The following ARHGEF11 variants were observed in gnomAD, a reference collection of about 807,000 sequenced individuals.
The protein encoded by ARHGEF11 is Rho guanine exchange factor (GEF) 11.
Under a neutral mutation model 193.7 loss-of-function variants are expected in ARHGEF11, and 55 were observed. The ratio of observed to expected loss-of-function variants is 0.28; its 90% CI spans 0.23 to 0.36. The LOEUF (loss-of-function observed/expected upper bound fraction) is 0.36. Among genes scored for constraint, ARHGEF11 ranks in the 10% least tolerant of loss-of-function variants. The pLI is 1.00. For missense variants in ARHGEF11, 1,723 were observed against 2,005.6 expected (o/e 0.86, Z 2.69); for synonymous variants, 693 against 768.0 (o/e 0.90, Z 1.62).
chr1:157,002,094 C>A (rs1385042762), intron 1 of ARHGEF11, among the ~76,000 whole-genome samples: 1 of 152,146 alleles, frequency 6.6e-6, no homozygotes, highest in Non-Finnish European at 1.5e-5. Flanking sequence ...GATGAATGAA[C>A]CATGTGGTCC....
chr1:156,956,533 T>G lies in ARHGEF11; in HGVS notation c.1558A>C (p.Met520Leu). 2 of 1,614,030 alleles carry G rather than the reference T, an allele frequency of 1.2e-6. No homozygotes were observed. The highest frequency in any genetic ancestry group is 1.7e-6 in the Non-Finnish European group (2 of 1,179,968). The change falls in exon 19 of 41, where the codon ATG (methionine) becomes CTG (leucine). Residue 520 changes from methionine to leucine, a missense_variant. Met to Leu is a conservative substitution (Grantham distance 15). This residue lies in a region of ARHGEF11 where 646 missense variants were observed against 710.7 expected (regional missense o/e 0.91). Transcript: ENST00000368194. ...APMDFALNTY[M>L]SHAGIRLREA... The stretch of plus-strand genomic sequence containing the variant: ...CGAAGACGGATCCCAGCATGGCTCA[T>G]GTAGGTATTGAGGGCGAAGTCCATG...
chr1:156,970,993 T>C (rs1662409781), intron 8 of ARHGEF11, among the ~76,000 whole-genome samples: 1 of 152,230 alleles, frequency 6.6e-6, no homozygotes, highest in Non-Finnish European at 1.5e-5. Context: ...TTTTTTGATC[T>C]GGATATCCTA....
rs552498636 is a variant in ARHGEF11, at chr1:157,014,091, G to A, written c.33-27918C>T. 7.9e-5 allele frequency among the ~76,000 whole-genome samples: 12 copies of A among 152,178 alleles called. No individual in the cohort carries two copies. The South Asian group carries it at 1.9e-3, about 24-fold the overall frequency. On this transcript the variant is annotated intron_variant, in intron 1 of 40. Coordinates refer to ENST00000368194, the MANE Select transcript of ARHGEF11 (RefSeq NM_198236.3). The stretch of plus-strand genomic sequence containing the variant: ...TGAGGCCTTTGGTGCCTCCAATCAC[G>A]GTTTTATTAGTGTTTCCATGACCTT...
chr1:156,966,965 T>C (rs1295616487), intron 11 of ARHGEF11, among the ~76,000 whole-genome samples: 1 of 152,218 alleles, frequency 6.6e-6, no homozygotes, highest in African/African-American at 2.4e-5. Flanking sequence ...AGCCAACTAA[T>C]TCCCCTCATC....
chr1:157,033,375 C>G (rs1044608880), intron 1 of ARHGEF11, among the ~76,000 whole-genome samples: 1 of 152,108 alleles, frequency 6.6e-6, no homozygotes, highest in African/African-American at 2.4e-5. Flanking sequence ...AACCTCTGAT[C>G]TCTCATTTTT....
chr1:157,015,697 C>A (rs1669128798), intron 1 of ARHGEF11, among the ~76,000 whole-genome samples: 1 of 152,220 alleles, frequency 6.6e-6, no homozygotes, highest in Admixed American at 6.5e-5. Context: ...AAGGGCCTTA[C>A]TGCATGCAGC....
chr1:156,940,200 C>T lies in ARHGEF11; in HGVS notation c.3733+7G>A. The T allele has an allele frequency of 6.4e-7, 1 of 1,568,768 alleles. No individual in the cohort carries two copies. The highest frequency in any genetic ancestry group is 8.7e-7 in the Non-Finnish European group (1 of 1,154,106). ...AGGGGCTGACGGCAGGGCCTTGAAG[C>T]ACTCACCATCTTCCAGAGCGGAGTC... On this transcript the variant is annotated splice_region_variant and intron_variant, in intron 36 of 40. Transcript: ENST00000368194.
rs776141723 is a variant in ARHGEF11 at position 156,955,679 on chromosome 1, GGCTGTT to G, written c.1768+18_1768+23del. On this transcript the variant is annotated intron_variant, in intron 20 of 40. Transcript: ENST00000368194. ...AGGTCCCTGCCCAAGGAATGCCCAA[GGCTGTT>G]GCTCCCCAAATACTCACTGCTTTGA... is the stretch of plus-strand genomic sequence containing the variant. 67 of 1,580,702 alleles carry G rather than the reference GGCTGTT, an allele frequency of 4.2e-5. No homozygotes were observed. The highest frequency in any genetic ancestry group is 5.8e-5 in the Non-Finnish European group (67 of 1,149,584).
intron 12 of ARHGEF11, 81 bp downstream of exon 12, chr1:156,963,438 AT>A: frequency 6.6e-7 from 1 of 1,526,482 alleles, no homozygotes; most frequent in Non-Finnish European, 9.1e-7. Flanking sequence ...TTCACAGCTG[AT>A]GCTAGTCAAA....
rs137983356 is a variant in ARHGEF11 at position 156,951,611 on chromosome 1, C to T, written c.1887G>A (p.Ser629=). The T allele has an allele frequency of 1.4e-4, 224 of 1,614,164 alleles. 1 individual carries two copies. In the African/African-American group the frequency reaches 2.2e-3, roughly 16 times the overall value. ...GCAGGTCCTCAGGAAAGCTTCCGGT[C>T]GAGAGTCGTTGTGTCCCAGGTTCTG... is the stretch of plus-strand genomic sequence containing the variant. The part of the protein sequence containing the change: ...DAPEPGTQRL[S]TGSFPEDLLE... Residue 629 remains serine, a synonymous_variant, in exon 22 of 41, where the codon TCG becomes TCA. Transcript: ENST00000368194.
intron 3 of ARHGEF11, among the ~76,000 whole-genome samples, chr1:156,981,618 A>G (rs1401900031): frequency 6.6e-6 from 1 of 152,144 alleles, no homozygotes. Context: ...CTGGGACTAC[A>G]GGCATGTGCC....
chr1:156,945,837 C>T (rs1452636038), intron 29 of ARHGEF11: 2 of 505,028 alleles, frequency 4.0e-6, no homozygotes, highest in South Asian at 2.6e-5. Flanking sequence ...TCGATGGTGG[C>T]CCCTACTCCT....
intron 13 of ARHGEF11, among the ~76,000 whole-genome samples, 175 bp downstream of exon 13, chr1:156,963,028 G>C (rs1453877401): frequency 3.3e-5 from 5 of 151,918 alleles, no homozygotes; most frequent in Non-Finnish European, 7.4e-5. Flanking sequence ...GTGTCATACA[G>C]TGAAAAATCC....
chr1:156,971,568 T>G, intron 8 of ARHGEF11, 129 bp downstream of exon 8: 1 of 1,248,034 alleles, frequency 8.0e-7, no homozygotes, highest in Non-Finnish European at 1.1e-6. Context: ...TGTAAAATAC[T>G]AAACACTTAC....
chr1:157,020,019 C>T (rs4661013), intron 1 of ARHGEF11, among the ~76,000 whole-genome samples: 13,483 of 151,298 alleles, frequency 0.089, 643 homozygotes, highest in South Asian at 0.13. Context: ...CCCAGCTACT[C>T]GGGAGGCTGA....
At chr1:157,013,488 T>TCTC (rs1275846793) in intron 1 of ARHGEF11, among the ~76,000 whole-genome samples, 22 of 152,036 alleles carry the variant, frequency 1.4e-4, no homozygotes, top group Admixed American at 3.9e-4. Context: ...TTTCCCTACC[T>TCTC]CTCCCCCAGC....
Position 156,936,952 on chromosome 1 carries a change from A to T in ARHGEF11, c.4494T>A (p.Ser1498=). The change falls in exon 40 of 41, where the codon TCT becomes TCA. Residue 1498 remains serine, a synonymous_variant. Coordinates refer to ENST00000368194, the MANE Select transcript of ARHGEF11 (RefSeq NM_198236.3). The part of the protein sequence containing the change: ...ELLKSLGGES[S]GGTTPVGSFH... Reference sequence around the variant, plus strand: ...AACTGCCCACAGGCGTGGTGCCACCAGATGACTCTCCCCCAAGGGACTTGA... The same window carrying T: ...AACTGCCCACAGGCGTGGTGCCACCTGATGACTCTCCCCCAAGGGACTTGA... 6.2e-7 allele frequency: 1 copy of T among 1,614,078 alleles called. No homozygotes were observed. Among genetic ancestry groups the T allele is most frequent in the Non-Finnish European group, 8.5e-7 (1 of 1,180,000 alleles).
rs893392133 is a variant in ARHGEF11 at position 156,957,704 on chromosome 1, C to T, written c.1526+88G>A. 7 of 1,411,496 alleles carry T rather than the reference C, an allele frequency of 5.0e-6. No individual in the cohort carries two copies. In the Admixed American group the frequency reaches 5.0e-5, roughly 10 times the overall value. 87.4% of individuals were successfully genotyped at this position (1,411,496 alleles called of 1,614,324 possible). A position where few individuals can be genotyped will look rare whatever the true frequency, so the allele number is the denominator to read the frequency against. On this transcript the variant is annotated intron_variant, in intron 18 of 40. Transcript: ENST00000368194. Reference sequence around the variant, plus strand: ...TGGTTGTACAACATGAGGGACTCCCCTGTGATTGTCAGAAATGGAAAGCAT... The same window carrying T: ...TGGTTGTACAACATGAGGGACTCCCTTGTGATTGTCAGAAATGGAAAGCAT...
In ARHGEF11 at chr1:156,935,701, A is replaced by C; in HGVS notation, c.*299T>G. 1 of 393,446 alleles carries C rather than the reference A, an allele frequency of 2.5e-6. No homozygotes were observed. Among genetic ancestry groups the C allele is most frequent in the Non-Finnish European group, 4.6e-6 (1 of 218,194 alleles). 24.4% of individuals were successfully genotyped at this position (393,446 alleles called of 1,614,324 possible). A position where few individuals can be genotyped will look rare whatever the true frequency, so the allele number is the denominator to read the frequency against. ...CATACAGGCGTGCGCGTGTACACACATATGTGGGGTGAGGGCAGACCATGG... is the reference window on the plus strand; with the variant it reads ...CATACAGGCGTGCGCGTGTACACACCTATGTGGGGTGAGGGCAGACCATGG... On this transcript the variant is annotated 3_prime_UTR_variant, in exon 41 of 41. Transcript: ENST00000368194.
Sources: gnomAD v4.1 joint callset for allele counts (sites outside exome capture counted in the v4.1 genomes callset) on GRCh38, gnomAD v4.1.1 for gene constraint, gnomAD v4.1.1 regional missense constraint, MANE v1.5 for transcripts, NCBI Gene and HGNC (gene_info 2026-07-23, HGNC 2026-07-21) for gene names.